The following SHROOM3 variants were observed in gnomAD, a reference collection of about 807,000 sequenced individuals.
The protein encoded by SHROOM3 is shroom family member 3, also known as protein Shroom3.
In SHROOM3, 47 loss-of-function variants were observed where a neutral mutation model predicts 138.6. The ratio of observed to expected loss-of-function variants is 0.34; its 90% CI spans 0.27 to 0.43. The LOEUF is 0.43. SHROOM3 is among the 20% of genes least tolerant of loss of function. The probability of loss-of-function intolerance (pLI) is 1.00; values close to 1 mark genes in which losing one functional copy is unlikely to be tolerated. For missense variants in SHROOM3, 2,491 were observed against 2,596.5 expected (o/e 0.96, Z 0.88); for synonymous variants, 1,062 against 1,063.3 (o/e 1.00, Z 0.02).
chr4:76,638,463 C>T (rs1005386404), intron 2 of SHROOM3, among the ~76,000 whole-genome samples: 14 of 152,170 alleles, frequency 9.2e-5, no homozygotes, highest in African/African-American at 3.1e-4. Flanking sequence ...GCAGGAGGAT[C>T]GCTTGCGCCT....
chr4:76,675,363 C>T (rs1719001961), intron 2 of SHROOM3, among the ~76,000 whole-genome samples: 1 of 152,178 alleles, frequency 6.6e-6, no homozygotes, highest in Non-Finnish European at 1.5e-5. Flanking sequence ...TATTGAAGTA[C>T]CACTGGTATT....
intron 2 of SHROOM3, among the ~76,000 whole-genome samples, chr4:76,614,479 A>AT (rs1014855618): frequency 2.6e-5 from 4 of 151,922 alleles, no homozygotes; most frequent in African/African-American, 7.3e-5. Context: ...ATTTTTATTT[A>AT]TTTTTTATTT....
At chr4:76,738,314 A>T (rs574668063) in intron 4 of SHROOM3, among the ~76,000 whole-genome samples, 1 of 152,362 alleles carries the variant, frequency 6.6e-6, no homozygotes, top group South Asian at 2.1e-4. Context: ...ACATGTGCAC[A>T]CAAAGTCTCC....
intron 2 of SHROOM3, among the ~76,000 whole-genome samples, chr4:76,557,174 A>C (rs566671122): frequency 1.3e-5 from 2 of 151,998 alleles, no homozygotes; most frequent in South Asian, 4.2e-4. Flanking sequence ...CTAAGTATCC[A>C]TGGAGGGACA....
chr4:76,740,979 T>C lies in SHROOM3; in HGVS notation c.2806T>C (p.Leu936=). The change falls in exon 5 of 11, where the codon TTG becomes CTG. Residue 936 remains leucine, a synonymous_variant. Coordinates refer to ENST00000296043, the MANE Select transcript of SHROOM3 (RefSeq NM_020859.4). This position sits in a 1 kb window ranked among gnomAD's most constrained non-coding sequence, Gnocchi z 4.0. The part of the protein sequence containing the change: ...NSIKDAQSRV[L]GATSFRRRDL... ...CATCAAGGACGCACAGTCCCGTGTC[T>C]TGGGGGCCACCTCCTTTCGACGTCG... 1 of 1,494,466 alleles carries C rather than the reference T, an allele frequency of 6.7e-7. No homozygotes were observed. Among genetic ancestry groups the C allele is most frequent in the South Asian group, 1.4e-5 (1 of 71,482 alleles). The allele number at this position is 1,494,466 out of a possible 1,614,324, so 92.6% of individuals were successfully genotyped here.
chr4:76,672,131 G>A (rs1378774326), intron 2 of SHROOM3, among the ~76,000 whole-genome samples: 1 of 152,102 alleles, frequency 6.6e-6, no homozygotes, highest in Non-Finnish European at 1.5e-5. Context: ...GAAGGACACA[G>A]TGAGAAAGAA....
rs1560608642 is a variant in SHROOM3, at chr4:76,740,592, CATA to C, written c.2421_2423del (p.Asn808del). 6.2e-7 allele frequency: 1 copy of C among 1,614,166 alleles called. No homozygotes were observed. The highest frequency in any genetic ancestry group is 8.5e-7 in the Non-Finnish European group (1 of 1,180,022). Reference sequence around the variant, plus strand: ...GAGTGTGGGCGGCTCTGGTTTTGGCCATAACTATAGGCCCCACAGGACCGTCTC... The same window carrying C: ...GAGTGTGGGCGGCTCTGGTTTTGGCCACTATAGGCCCCACAGGACCGTCTC... On this transcript the variant is annotated inframe_deletion, in exon 5 of 11. Transcript: ENST00000296043. This position sits in a 1 kb window ranked among gnomAD's most constrained non-coding sequence, Gnocchi z 4.0.
intron 1 of SHROOM3, among the ~76,000 whole-genome samples, chr4:76,437,240 T>C (rs1158995480): frequency 6.6e-6 from 1 of 152,054 alleles, no homozygotes; most frequent in Non-Finnish European, 1.5e-5. Flanking sequence ...GACTTTTCCT[T>C]AACTTTCTTA....
At chr4:76,573,458 C>T (rs1340022009) in intron 2 of SHROOM3, 1 of 152,904 alleles carries the variant, frequency 6.5e-6, no homozygotes, top group Non-Finnish European at 1.5e-5. Flanking sequence ...TAAAAGCTCA[C>T]CTGGTCCAAT....
chr4:76,583,499 C>T (rs28588711), intron 2 of SHROOM3, among the ~76,000 whole-genome samples: 67,660 of 152,020 alleles, frequency 0.45, 15,933 homozygotes, highest in Middle Eastern at 0.54. Flanking sequence ...AGATAGGTAC[C>T]CATTTCAGAG....
chr4:76,613,425 A>T (rs1475526428), intron 2 of SHROOM3, among the ~76,000 whole-genome samples: 4 of 152,206 alleles, frequency 2.6e-5, no homozygotes, highest in South Asian at 2.1e-4. Context: ...GAGCTCACAT[A>T]AAGCATTTAC....
intron 3 of SHROOM3, among the ~76,000 whole-genome samples, chr4:76,728,200 T>C (rs2078233025): frequency 6.6e-6 from 1 of 152,080 alleles, no homozygotes; most frequent in Non-Finnish European, 1.5e-5. Context: ...GGACCTGTTA[T>C]TGAAGATTAG....
intron 2 of SHROOM3, among the ~76,000 whole-genome samples, chr4:76,702,617 C>T (rs1191770426): frequency 4.6e-5 from 7 of 152,190 alleles, no homozygotes; most frequent in South Asian, 2.1e-4. Context: ...GAATCCACAT[C>T]GTCCATATAC....
intron 2 of SHROOM3, among the ~76,000 whole-genome samples, chr4:76,682,169 G>A (rs926399152): frequency 2.6e-5 from 4 of 152,118 alleles, no homozygotes; most frequent in African/African-American, 9.7e-5. Flanking sequence ...GTTCTGTTGT[G>A]TTCCCTTGTT....
chr4:76,453,026 T>A (rs1201915590), intron 1 of SHROOM3, among the ~76,000 whole-genome samples: 1 of 152,148 alleles, frequency 6.6e-6, no homozygotes, highest in African/African-American at 2.4e-5. Flanking sequence ...CCTAGATATA[T>A]GTTTTTAATA....
intron 1 of SHROOM3, among the ~76,000 whole-genome samples, chr4:76,488,450 G>C (rs2109991961): frequency 6.6e-6 from 1 of 152,312 alleles, no homozygotes; most frequent in African/African-American, 2.4e-5. Context: ...GAATGATGCT[G>C]TTTGACTTTT....
At chr4:76,670,547 T>C (rs1042311866) in intron 2 of SHROOM3, among the ~76,000 whole-genome samples, 3 of 152,226 alleles carry the variant, frequency 2.0e-5, no homozygotes, top group Admixed American at 6.5e-5. Context: ...CATTGAATTG[T>C]ATACTTTTTT....
At chr4:76,661,514 G>A (rs1306466545) in intron 2 of SHROOM3, among the ~76,000 whole-genome samples, 1 of 152,192 alleles carries the variant, frequency 6.6e-6, no homozygotes, top group Non-Finnish European at 1.5e-5. Context: ...GATTACAGGC[G>A]TGAGACACTG....
chr4:76,513,966 A>G (rs907446805), intron 1 of SHROOM3, among the ~76,000 whole-genome samples: 3 of 152,188 alleles, frequency 2.0e-5, no homozygotes, highest in Admixed American at 6.5e-5. Context: ...AGGACCAAAG[A>G]CCTACATTAA....
Sources: gnomAD v4.1 joint callset for allele counts (sites outside exome capture counted in the v4.1 genomes callset) on GRCh38, gnomAD v4.1.1 for gene constraint, Gnocchi (gnomAD v3.1) non-coding constraint, MANE v1.5 for transcripts, NCBI Gene and HGNC (gene_info 2026-07-23, HGNC 2026-07-21) for gene names.